Variants in SCLT1 observed in about 807,000 individuals in gnomAD.
The protein encoded by SCLT1 is sodium channel and clathrin linker 1, also known as sodium channel-associated protein 1.
A neutral mutation model predicts 112.8 loss-of-function variants in SCLT1; 78 were observed. That is an observed-to-expected ratio of 0.69 (90% CI 0.58 to 0.83). The LOEUF (loss-of-function observed/expected upper bound fraction) is 0.83, where lower values mean the gene tolerates loss of function less well. SCLT1 is among the 40% of genes least tolerant of loss of function. SCLT1 has a pLI of 0.00. For missense variants in SCLT1, 747 were observed against 770.4 expected, an observed-to-expected ratio of 0.97 and a Z score of 0.36; for synonymous variants, 257 against 254.7, an observed-to-expected ratio of 1.01 and a Z score of -0.09.
intron 18 of SCLT1, among the ~76,000 whole-genome samples, chr4:128,895,035 C>T (rs950432671): frequency 7.9e-5 from 12 of 152,158 alleles, no homozygotes; most frequent in African/African-American, 2.4e-4. Context: ...CTCTTTGATA[C>T]GTCTCTTGCA....
intron 10 of SCLT1, among the ~76,000 whole-genome samples, chr4:128,970,125 C>T (rs1424520779): frequency 2.0e-5 from 3 of 151,964 alleles, no homozygotes; most frequent in Admixed American, 1.3e-4. Flanking sequence ...TATCAATTTG[C>T]GTTTCAGTAA....
intron 2 of SCLT1, among the ~76,000 whole-genome samples, chr4:129,065,731 C>T (rs1169418786): frequency 6.6e-6 from 1 of 152,000 alleles, no homozygotes; most frequent in Non-Finnish European, 1.5e-5. Context: ...AAGTAAAAGG[C>T]TCAAAGCACC....
At chr4:128,937,781 A>T (rs1346725406) in intron 17 of SCLT1, among the ~76,000 whole-genome samples, 1 of 152,218 alleles carries the variant, frequency 6.6e-6, no homozygotes, top group Non-Finnish European at 1.5e-5. Flanking sequence ...AAAGCACTTT[A>T]ATTGCAGCAT....
chr4:128,945,115 C>CTT (rs1321383205), intron 16 of SCLT1, among the ~76,000 whole-genome samples: 6 of 152,136 alleles, frequency 3.9e-5, no homozygotes, highest in Non-Finnish European at 7.4e-5. Flanking sequence ...ACAAAGAAGA[C>CTT]TTCGATATCT....
intron 5 of SCLT1, among the ~76,000 whole-genome samples, chr4:129,027,105 C>T (rs1418964382): frequency 2.0e-5 from 3 of 152,038 alleles, no homozygotes; most frequent in South Asian, 2.1e-4. Flanking sequence ...GATTCACAGC[C>T]GAATTCTACC....
At chr4:128,994,585 T>A (rs566633462) in intron 8 of SCLT1, among the ~76,000 whole-genome samples, 8 of 152,014 alleles carry the variant, frequency 5.3e-5, no homozygotes, top group African/African-American at 1.9e-4. Flanking sequence ...TTGAGGAAAC[T>A]CTATACTGTG....
chr4:128,999,882 T>C (rs528102179), intron 6 of SCLT1, 88 bp from the exon 7 acceptor site: 1 of 810,216 alleles, frequency 1.2e-6, no homozygotes, highest in African/African-American at 1.8e-5. Flanking sequence ...ATAGAATAAG[T>C]TCTTATAAAG....
At chr4:129,006,270 T>A (rs1744008669) in intron 5 of SCLT1, among the ~76,000 whole-genome samples, 1 of 152,172 alleles carries the variant, frequency 6.6e-6, no homozygotes, top group Non-Finnish European at 1.5e-5. Context: ...CCAGGTTCGG[T>A]GGCTCACACC....
At position 129,003,802 on chromosome 4, in the gene SCLT1, T is replaced by G; in HGVS notation, c.365A>C (p.Asp122Ala). Residue 122 changes from aspartate to alanine, a missense_variant, in exon 6 of 21, where the codon GAC (aspartate) becomes GCC (alanine). Physicochemically the swap from Asp to Ala is moderately radical, Grantham distance 126 (BLOSUM62 -2). This residue lies in a region of SCLT1 where 723 missense variants were observed against 721.3 expected (regional missense o/e 1.00). Coordinates refer to ENST00000281142, the MANE Select transcript of SCLT1 (RefSeq NM_144643.4). Reference sequence around the variant, plus strand: ...GACTGTTTCATCATCTGCATATATGTCAGTTCCTACCTCTGTGCCCAGGGG... The same window carrying G: ...GACTGTTTCATCATCTGCATATATGGCAGTTCCTACCTCTGTGCCCAGGGG... ...AFPLGTEVGT[D>A]IYADDETVRN... 1 of 1,612,552 alleles carries G rather than the reference T, an allele frequency of 6.2e-7. No individual in the cohort carries two copies.
At chr4:129,047,566 G>A (rs1748300563) in intron 2 of SCLT1, among the ~76,000 whole-genome samples, 2 of 151,982 alleles carry the variant, frequency 1.3e-5, no homozygotes, top group Admixed American at 1.3e-4. Flanking sequence ...CTTCCATACT[G>A]CTCTCCACAG....
intron 5 of SCLT1, among the ~76,000 whole-genome samples, chr4:129,036,040 A>G (rs1249612305): frequency 1.3e-5 from 2 of 152,032 alleles, no homozygotes; most frequent in Admixed American, 1.3e-4. Flanking sequence ...AAACCTGTCC[A>G]TGTATATATA....
chr4:128,911,108 A>G (rs1735061879), intron 18 of SCLT1, among the ~76,000 whole-genome samples: 1 of 152,126 alleles, frequency 6.6e-6, no homozygotes, highest in Admixed American at 6.5e-5. Flanking sequence ...TAGTAAAAAT[A>G]CAAAAAAATT....
At chr4:128,952,726 A>C in intron 14 of SCLT1, 43 bp downstream of exon 14, 1 of 1,065,992 alleles carries the variant, frequency 9.4e-7, no homozygotes, top group Non-Finnish European at 1.5e-6. Flanking sequence ...GGCCTTTAAA[A>C]TAAGTAATAT....
intron 19 of SCLT1, 145 bp downstream of exon 19, chr4:128,890,914 T>A: frequency 1.7e-6 from 1 of 573,746 alleles, no homozygotes. Context: ...CACATTATAT[T>A]GCGTGTGGGC....
chr4:128,888,679 C>T lies in SCLT1; in HGVS notation c.2004G>A (p.Gln668=), dbSNP rs1179676257. 2 of 1,599,146 alleles carry T rather than the reference C, an allele frequency of 1.3e-6. No individual in the cohort carries two copies. The highest frequency in any genetic ancestry group is 3.4e-5 in the Admixed American group (2 of 59,600). The part of the protein sequence containing the change: ...AEERAASASQ[Q]LSVITVQRRK... ...CTAGGGATAAGAGGATGCTCCCTACCTGCTGGGAAGCTGAAGCAGCTCTCT... is the reference window on the plus strand; with the variant it reads ...CTAGGGATAAGAGGATGCTCCCTACTTGCTGGGAAGCTGAAGCAGCTCTCT... Residue 668 remains glutamine, a splice_region_variant and synonymous_variant, in exon 20 of 21, where the codon CAG becomes CAA. Coordinates refer to ENST00000281142, the MANE Select transcript of SCLT1 (RefSeq NM_144643.4).
At chr4:128,918,927 G>C (rs1481192204) in intron 18 of SCLT1, among the ~76,000 whole-genome samples, 1 of 152,192 alleles carries the variant, frequency 6.6e-6, no homozygotes, top group Non-Finnish European at 1.5e-5. Context: ...GGTTCATAAG[G>C]CAAATTCTTA....
intron 9 of SCLT1, among the ~76,000 whole-genome samples, chr4:128,985,399 T>C (rs549814847): frequency 6.6e-6 from 1 of 152,372 alleles, no homozygotes; most frequent in Admixed American, 6.5e-5. Context: ...TTGGCCTCTT[T>C]ATTACACTCC....
chr4:128,943,063 T>A lies in SCLT1; in HGVS notation c.1565A>T (p.Gln522Leu), dbSNP rs748526821. 1.2e-6 allele frequency: 2 copies of A among 1,613,308 alleles called. No homozygotes were observed. Among genetic ancestry groups the A allele is most frequent in the Non-Finnish European group, 1.7e-6 (2 of 1,179,560 alleles). ...QRLKLQQENK[Q>L]LRKETESLRK... is the part of the protein sequence containing the mutation. The stretch of plus-strand genomic sequence containing the variant: ...TAAACTCTCAGTCTCTTTCCGTAAC[T>A]GTTTATTTTCTTGCTGAAGTTTTAG... The change falls in exon 17 of 21, where the codon CAG (glutamine) becomes CTG (leucine). Residue 522 changes from glutamine (Q) to leucine (L), a missense_variant. Physicochemically the swap from Gln to Leu is moderately radical, Grantham distance 113. This residue lies in a region of SCLT1 where 723 missense variants were observed against 721.3 expected (regional missense o/e 1.00). Coordinates refer to ENST00000281142, the MANE Select transcript of SCLT1 (RefSeq NM_144643.4).
intron 9 of SCLT1, among the ~76,000 whole-genome samples, chr4:128,988,008 GA>G (rs894764261): frequency 4.1e-5 from 6 of 146,200 alleles, no homozygotes; most frequent in East Asian, 2.0e-4. Context: ...AACTTTCACA[GA>G]AAAAAAAAAG....
Sources: gnomAD v4.1 joint callset for allele counts (sites outside exome capture counted in the v4.1 genomes callset) on GRCh38, gnomAD v4.1.1 for gene constraint, gnomAD v4.1.1 regional missense constraint, MANE v1.5 for transcripts, NCBI Gene and HGNC (gene_info 2026-07-23, HGNC 2026-07-21) for gene names.